The following TBL1X variants were observed in gnomAD, a reference collection of about 807,000 sequenced individuals.
TBL1X encodes the protein F-box-like/WD repeat-containing protein TBL1X.
A neutral mutation model predicts 50.7 loss-of-function variants in TBL1X; 10 were observed. The observed-to-expected ratio is 0.20, with a 90% CI of 0.12 to 0.33. TBL1X has a LOEUF of 0.33. Among genes scored for constraint, TBL1X ranks in the 10% least tolerant of loss-of-function variants. TBL1X has a pLI of 1.00. For missense variants in TBL1X, 340 were observed against 504.4 expected, an observed-to-expected ratio of 0.67 and a Z score of 3.12; for synonymous variants, 190 against 214.7, an observed-to-expected ratio of 0.88 and a Z score of 1.01.
intron 7 of TBL1X, 142 bp downstream of exon 7, chrX:9,688,417 C>T (rs2083075451): frequency 9.2e-6 from 5 of 541,903 alleles, no homozygotes; most frequent in East Asian, 8.3e-5. Context: ...ACGATCTGGC[C>T]GGAAGAACTT....
chrX:9,579,579 G>C (rs760273305), intron 2 of TBL1X, among the ~76,000 whole-genome samples: 2 of 111,691 alleles, frequency 1.8e-5, no homozygotes, highest in East Asian at 5.7e-4. Context: ...AGATGTGGTC[G>C]TCATTTTCCT....
Position 9,492,894 on chromosome X carries a change from T to TGTGTGTGTGTGTGTAG in TBL1X, c.-200-8882_-200-8881insGTGTGTGTGTAGGTGT, listed in dbSNP as rs796965171. 7.0e-4 allele frequency among the ~76,000 whole-genome samples: 17 copies of TGTGTGTGTGTGTGTAG among 24,188 alleles called. 3 individuals are homozygous for TGTGTGTGTGTGTGTAG. Among genetic ancestry groups the TGTGTGTGTGTGTGTAG allele is most frequent in the African/African-American group, 1.7e-3 (17 of 9,867 alleles). 21.0% of individuals were successfully genotyped at this position (24,188 alleles called of 115,157 possible). A position where few individuals can be genotyped will look rare whatever the true frequency, so the allele number is the denominator to read the frequency against. ...GTGTGTGTGTGTGTGTGTGTGTGTGTGTGTAGGGGAGGAAGGAATGGAAGG... is the reference window on the plus strand; with the variant it reads ...GTGTGTGTGTGTGTGTGTGTGTGTGTGTGTGTGTGTGTGTAGGTGTAGGGGAGGAAGGAATGGAAGG... On this transcript the variant is annotated intron_variant, in intron 1 of 17. Transcript: ENST00000645353.
intron 2 of TBL1X, among the ~76,000 whole-genome samples, chrX:9,567,045 G>A (rs2082354860): frequency 8.9e-6 from 1 of 111,997 alleles, no homozygotes; most frequent in South Asian, 3.7e-4. Context: ...TAATGCTGGA[G>A]GAGGATGATA....
At chrX:9,708,793 A>G (rs2083226483) in intron 13 of TBL1X, among the ~76,000 whole-genome samples, 1 of 110,076 alleles carries the variant, frequency 9.1e-6, no homozygotes, top group South Asian at 3.9e-4. Flanking sequence ...GCTTGAGTTT[A>G]AGAGGTACAT....
intron 3 of TBL1X, chrX:9,644,572 C>A (rs2082792451): frequency 8.9e-6 from 1 of 111,829 alleles, no homozygotes; most frequent in Non-Finnish European, 1.9e-5. Flanking sequence ...AAAGCCCCAG[C>A]CAGCCACTAA....
chrX:9,556,450 G>C (rs755420205), intron 2 of TBL1X, among the ~76,000 whole-genome samples: 141 of 108,616 alleles, frequency 1.3e-3, no homozygotes, highest in African/African-American at 4.5e-3. Flanking sequence ...TTCAGCTCAG[G>C]AGTTCGAGAC....
chrX:9,512,777 G>A (rs2082062603), intron 2 of TBL1X, among the ~76,000 whole-genome samples: 1 of 111,723 alleles, frequency 9.0e-6, no homozygotes, highest in African/African-American at 3.3e-5. Context: ...GGGATTACAG[G>A]CATGAGCCAC....
intron 2 of TBL1X, among the ~76,000 whole-genome samples, chrX:9,626,552 G>A (rs1178937161): frequency 8.9e-6 from 1 of 112,025 alleles, no homozygotes; most frequent in Non-Finnish European, 1.9e-5. Context: ...GTGCTTCATC[G>A]TGGTAGAAGT....
intron 5 of TBL1X, among the ~76,000 whole-genome samples, chrX:9,673,961 G>A (rs1027158385): frequency 8.9e-6 from 1 of 112,068 alleles, no homozygotes; most frequent in African/African-American, 3.3e-5. Context: ...AGTTACTTGG[G>A]AGGCTGAGGC....
At chrX:9,684,702 C>T (rs1294331483) in intron 6 of TBL1X, among the ~76,000 whole-genome samples, 2 of 110,842 alleles carry the variant, frequency 1.8e-5, no homozygotes, top group Non-Finnish European at 3.8e-5. Context: ...TTCCAGTGCC[C>T]CTCCCACATG....
At chrX:9,509,365 C>CAAAA (rs35090230) in intron 2 of TBL1X, among the ~76,000 whole-genome samples, 5 of 50,370 alleles carry the variant, frequency 9.9e-5, no homozygotes, top group Admixed American at 2.6e-4. Context: ...GACTCTGTCT[C>CAAAA]AAAAAAAAAA....
intron 12 of TBL1X, among the ~76,000 whole-genome samples, chrX:9,700,595 G>A (rs140431191): frequency 0.013 from 1,397 of 111,515 alleles, 6 homozygotes; most frequent in Non-Finnish European, 0.018. Context: ...GTTAAAGAAC[G>A]TTCAAAATGA....
Position 9,523,473 on chromosome X carries a change from C to T in TBL1X, c.-131+21624C>T, listed in dbSNP as rs180832129. Among the ~76,000 whole-genome samples the T allele has an allele frequency of 3.6e-5, 4 of 111,923 alleles. No homozygotes were observed. The East Asian group carries it at 8.5e-4, about 24-fold the overall frequency. ...ACCCACACTGGACCATATGAGGCCACGCCACTCACACTGGGTCATGTCACC... is the reference window on the plus strand; with the variant it reads ...ACCCACACTGGACCATATGAGGCCATGCCACTCACACTGGGTCATGTCACC... On this transcript the variant is annotated intron_variant, in intron 2 of 17. Coordinates refer to ENST00000645353, the MANE Select transcript of TBL1X (RefSeq NM_005647.4).
chrX:9,470,019 T>G (rs973189996), intron 1 of TBL1X, among the ~76,000 whole-genome samples: 3 of 112,764 alleles, frequency 2.7e-5, no homozygotes, highest in African/African-American at 9.7e-5. Flanking sequence ...AAAAAACAGC[T>G]TTGCTCCTTA....
At chrX:9,688,323 G>A (rs1569099212) in intron 7 of TBL1X, 48 bp downstream of exon 7, 3 of 1,054,348 alleles carry the variant, frequency 2.8e-6, no homozygotes, top group East Asian at 6.6e-5. Flanking sequence ...TGGGTTCATT[G>A]TTTTCTTCTT....
At position 9,697,478 on chromosome X, in the gene TBL1X, A is replaced by G. The variant is rs1229783415; in HGVS notation, c.1114+49A>G. The G allele has an allele frequency of 2.5e-6, 3 of 1,204,138 alleles. No individual in the cohort carries two copies. In the South Asian group the frequency reaches 5.4e-5, roughly 22 times the overall value. On this transcript the variant is annotated intron_variant, in intron 12 of 17. Transcript: ENST00000645353. ...GTTGTTTGTTTTTTTGTAATTCAAA[A>G]ATAATAATTCAGGTCGAGCCCAGTG... is the stretch of plus-strand genomic sequence containing the variant.
chrX:9,509,861 C>G (rs1366892464), intron 2 of TBL1X, among the ~76,000 whole-genome samples: 2 of 110,720 alleles, frequency 1.8e-5, no homozygotes, highest in African/African-American at 6.6e-5. Flanking sequence ...AGAGATGGCC[C>G]TGCATGCTGC....
intron 2 of TBL1X, among the ~76,000 whole-genome samples, chrX:9,580,298 G>T (rs1294872338): frequency 8.9e-6 from 1 of 112,457 alleles, no homozygotes; most frequent in Admixed American, 9.4e-5. Context: ...GCACAGCTTG[G>T]TTTTATACAT....
chrX:9,655,714 A>G lies in TBL1X; in HGVS notation c.211+1392A>G, dbSNP rs189448866. Among the ~76,000 whole-genome samples the G allele has an allele frequency of 6.0e-3, 672 of 112,010 alleles. 7 individuals are homozygous for G. Among genetic ancestry groups the G allele is most frequent in the African/African-American group, 0.018 (566 of 30,846 alleles). ...CCCAGTTCCTAGGCCCCGTCCTCCCAGAGATGCATGTATTCGATTGGAGGG... is the reference window on the plus strand; with the variant it reads ...CCCAGTTCCTAGGCCCCGTCCTCCCGGAGATGCATGTATTCGATTGGAGGG... On this transcript the variant is annotated intron_variant, in intron 5 of 17. Transcript: ENST00000645353.
Sources: allele counts gnomAD v4.1 joint callset (sites outside exome capture counted in the v4.1 genomes callset), GRCh38; gene constraint gnomAD v4.1.1; transcripts MANE v1.5; gene names NCBI Gene and HGNC (gene_info 2026-07-23, HGNC 2026-07-21).